PACS1: variants seen among roughly 807,000 people sequenced by gnomAD.
PACS1 encodes the protein PACS-1.
PACS1 carries 24 observed loss-of-function variants against 115.0 expected under a neutral mutation model. That is an observed-to-expected ratio of 0.21 (90% CI 0.15 to 0.29). PACS1 has a LOEUF of 0.29. Among genes scored for constraint, PACS1 ranks in the 10% least tolerant of loss-of-function variants. The pLI is 1.00. For synonymous variants in PACS1, 453 were observed against 504.5 expected, an observed-to-expected ratio of 0.90 and a Z score of 1.37; for missense variants, 838 against 1,251.2, an observed-to-expected ratio of 0.67 and a Z score of 4.98.
chr11:66,219,353 C>T (rs935720766), intron 7 of PACS1, among the ~76,000 whole-genome samples: 1 of 151,702 alleles, frequency 6.6e-6, no homozygotes, highest in South Asian at 2.1e-4. Flanking sequence ...AAGGAGAAGA[C>T]GGGACGCTGC....
chr11:66,233,688 G>A lies in PACS1; in HGVS notation c.1839-97G>A, dbSNP rs969451087. 4.1e-6 allele frequency: 5 copies of A among 1,209,192 alleles called. No homozygotes were observed. Among genetic ancestry groups the A allele is most frequent in the Non-Finnish European group, 5.8e-6 (5 of 861,172 alleles). 74.9% of individuals were successfully genotyped at this position (1,209,192 alleles called of 1,614,324 possible). A position where few individuals can be genotyped will look rare whatever the true frequency, so the allele number is the denominator to read the frequency against. On this transcript the variant is annotated intron_variant, in intron 15 of 23. Coordinates refer to ENST00000320580, the MANE Select transcript of PACS1 (RefSeq NM_018026.4). This position sits in a 1 kb window ranked among gnomAD's most constrained non-coding sequence, Gnocchi z 4.5. ...TTGTGGATTGGTTTGCTTTTCCCCT[G>A]TGGGTTGTTGAGATCACAGAAAGTC...
intron 1 of PACS1, among the ~76,000 whole-genome samples, chr11:66,071,045 G>C (rs952737210): frequency 4.6e-5 from 7 of 152,204 alleles, no homozygotes; most frequent in Admixed American, 4.6e-4. Flanking sequence ...GCCTGGGGCC[G>C]GGACCACCCT....
At chr11:66,181,017 G>A (rs1859998348) in intron 1 of PACS1, among the ~76,000 whole-genome samples, 1 of 152,038 alleles carries the variant, frequency 6.6e-6, no homozygotes, top group South Asian at 2.1e-4. Flanking sequence ...AGAGTTTTAT[G>A]TAAGTAACAC....
chr11:66,137,033 C>A (rs63706762), intron 1 of PACS1, among the ~76,000 whole-genome samples: 12 of 146,070 alleles, frequency 8.2e-5, no homozygotes, highest in African/African-American at 7.6e-5. Context: ...CCCCCCCCCC[C>A]ACCATTTCGT....
intron 1 of PACS1, among the ~76,000 whole-genome samples, chr11:66,193,184 A>C (rs1164644589): frequency 1.3e-5 from 2 of 152,182 alleles, no homozygotes; most frequent in Non-Finnish European, 2.9e-5. Context: ...ACCTTTTGAC[A>C]CTTAACTTTA....
intron 1 of PACS1, among the ~76,000 whole-genome samples, chr11:66,190,065 A>G (rs999122664): frequency 6.6e-6 from 1 of 152,148 alleles, no homozygotes; most frequent in Admixed American, 6.5e-5. Context: ...CAGTTTCCCA[A>G]AACCTTTCTT....
intron 3 of PACS1, 69 bp downstream of exon 3, chr11:66,210,520 C>T: frequency 1.8e-6 from 2 of 1,114,180 alleles, no homozygotes; most frequent in Middle Eastern, 2.0e-4. Context: ...GTCCTCTAAC[C>T]CAGAGACTGT....
chr11:66,072,919 C>T (rs1202320149), intron 1 of PACS1, among the ~76,000 whole-genome samples: 1 of 152,190 alleles, frequency 6.6e-6, no homozygotes, highest in Non-Finnish European at 1.5e-5. Flanking sequence ...TTGGTCTGCC[C>T]CTAGGTCTTT....
At chr11:66,072,235 A>G (rs1443752922) in intron 1 of PACS1, among the ~76,000 whole-genome samples, 2 of 152,066 alleles carry the variant, frequency 1.3e-5, no homozygotes, top group Non-Finnish European at 2.9e-5. Context: ...TATGGTAGCC[A>G]TAGTTTAAAT....
At position 66,204,498 on chromosome 11, in the gene PACS1, C is replaced by A. The variant is rs575977176; in HGVS notation, c.445-5864C>A. 5.5e-4 allele frequency among the ~76,000 whole-genome samples: 83 copies of A among 152,184 alleles called. 1 individual carries two copies. The highest frequency in any genetic ancestry group is 1.8e-3 in the African/African-American group (74 of 41,516). On this transcript the variant is annotated intron_variant, in intron 2 of 23. Coordinates refer to ENST00000320580, the MANE Select transcript of PACS1 (RefSeq NM_018026.4). Reference sequence around the variant, plus strand: ...AATAGTATGGAGTTTCCTCAAAAAACCAAAATAGTCCCATGTAGCACTATT... The same window carrying A: ...AATAGTATGGAGTTTCCTCAAAAAAACAAAATAGTCCCATGTAGCACTATT...
At position 66,212,313 on chromosome 11, in the gene PACS1, T is replaced by C. The variant is rs542055048; in HGVS notation, c.660+1054T>C. On this transcript the variant is annotated intron_variant, in intron 4 of 23. Coordinates refer to ENST00000320580, the MANE Select transcript of PACS1 (RefSeq NM_018026.4). The stretch of plus-strand genomic sequence containing the variant: ...TGCCCAGCTAATTTTTTTTTTTTTT[T>C]AGTAGAGACGGGGTTTCACCATGTT... Among the ~76,000 whole-genome samples, 115 of 151,438 alleles carry C rather than the reference T, an allele frequency of 7.6e-4. No homozygotes were observed. The Middle Eastern group carries it at 0.01, about 13-fold the overall frequency.
At chr11:66,182,539 C>T (rs1860034249) in intron 1 of PACS1, among the ~76,000 whole-genome samples, 1 of 152,024 alleles carries the variant, frequency 6.6e-6, no homozygotes, top group Non-Finnish European at 1.5e-5. Context: ...TCATAGCTCA[C>T]TGCAGTCTCA....
chr11:66,134,259 T>TCTTTTTC, intron 1 of PACS1, among the ~76,000 whole-genome samples: 1 of 109,248 alleles, frequency 9.2e-6, no homozygotes, highest in South Asian at 3.5e-4. Context: ...TTTTTCTTTT[T>TCTTTTTC]TTTTTTTTTT....
At chr11:66,205,961 G>C (rs1320418142) in intron 2 of PACS1, among the ~76,000 whole-genome samples, 2 of 152,164 alleles carry the variant, frequency 1.3e-5, no homozygotes, top group African/African-American at 4.8e-5. Flanking sequence ...CAGCCTGGGC[G>C]ACATGGTCAA....
intron 1 of PACS1, among the ~76,000 whole-genome samples, chr11:66,136,323 T>A (rs376943249): frequency 1.4e-5 from 2 of 145,910 alleles, no homozygotes; most frequent in African/African-American, 5.2e-5. Context: ...AATCCCACTG[T>A]CACACACACA....
rs570287976 is a variant in PACS1, at chr11:66,236,109, C to T, written c.2250+169C>T. ...TCTGGAGACGTGTTTGGTTGTTATACGGGGGGTACCCAGTGGGTGGAGGCC... is the reference window on the plus strand; with the variant it reads ...TCTGGAGACGTGTTTGGTTGTTATATGGGGGGTACCCAGTGGGTGGAGGCC... On this transcript the variant is annotated intron_variant, in intron 19 of 23. Coordinates refer to ENST00000320580, the MANE Select transcript of PACS1 (RefSeq NM_018026.4). The surrounding 1 kb of genome is among the most constrained non-coding windows in gnomAD (Gnocchi z 4.2). 1.3e-3 allele frequency among the ~76,000 whole-genome samples: 202 copies of T among 152,220 alleles called. 1 individual carries two copies. Among genetic ancestry groups the T allele is most frequent in the Non-Finnish European group, 2.1e-3 (146 of 68,012 alleles).
chr11:66,149,259 T>C (rs1463806459), intron 1 of PACS1, among the ~76,000 whole-genome samples: 1 of 151,764 alleles, frequency 6.6e-6, no homozygotes. Context: ...ACATGACTAA[T>C]TTTTGTATTT....
intron 1 of PACS1, among the ~76,000 whole-genome samples, chr11:66,107,769 GT>G (rs1858083967): frequency 6.6e-6 from 1 of 152,224 alleles, no homozygotes; most frequent in Non-Finnish European, 1.5e-5. Flanking sequence ...TCAAGGAAGT[GT>G]TTTGAGTACT....
chr11:66,185,519 C>T (rs1435531642), intron 1 of PACS1, among the ~76,000 whole-genome samples: 2 of 152,128 alleles, frequency 1.3e-5, no homozygotes, highest in Non-Finnish European at 2.9e-5. Context: ...TAAGTAGGGA[C>T]TCGGCTAGAG....
Sources: allele counts gnomAD v4.1 joint callset (sites outside exome capture counted in the v4.1 genomes callset), GRCh38; gene constraint gnomAD v4.1.1; non-coding constraint Gnocchi (gnomAD v3.1); transcripts MANE v1.5; gene names NCBI Gene and HGNC (gene_info 2026-07-23, HGNC 2026-07-21).